The following MYO15A variants were observed in gnomAD, a reference collection of about 807,000 sequenced individuals.
MYO15A encodes the protein myosin XVA, also known as unconventional myosin-XV.
In MYO15A, 308 loss-of-function variants were observed where a neutral mutation model predicts 394.6. The observed-to-expected ratio is 0.78, with a 90% CI of 0.71 to 0.86. The LOEUF (loss-of-function observed/expected upper bound fraction) is 0.86. Among genes scored for constraint, MYO15A ranks in the 40% least tolerant of loss-of-function variants. MYO15A has a pLI of 0.00. For missense variants in MYO15A, 4,606 were observed against 4,799.1 expected (o/e 0.96, Z 1.19); for synonymous variants, 1,957 against 2,003.8 (o/e 0.98, Z 0.62).
At chr17:18,144,631 C>T (rs767101626) in intron 29 of MYO15A, 39 bp downstream of exon 29, 8 of 1,596,862 alleles carry the variant, frequency 5.0e-6, no homozygotes, top group Non-Finnish European at 6.8e-6. Context: ...AATTCTTAGC[C>T]CCTGGCCCTG....
chr17:18,133,325 G>A lies in MYO15A; in HGVS notation c.4421G>A (p.Ser1474Asn), dbSNP rs1248088150. 9 of 1,614,168 alleles carry A rather than the reference G, an allele frequency of 5.6e-6. No individual in the cohort carries two copies. Among genetic ancestry groups the A allele is most frequent in the South Asian group, 5.5e-5 (5 of 91,080 alleles). The change falls in exon 12 of 66, where the codon AGC becomes AAC. Residue 1474 changes from serine to asparagine, a missense_variant. Physicochemically the swap from Ser to Asn is conservative, Grantham distance 46. Transcript: ENST00000647165. The stretch of plus-strand genomic sequence containing the variant: ...GGCTTCAGCAGTGAGGACCAGGACA[G>A]CATCTTCCGCATCCTGGCCTCCATC... Reference protein sequence around the residue: ...VLGFSSEDQDSIFRILASILH... With the variant: ...VLGFSSEDQDNIFRILASILH...
At position 18,147,187 on chromosome 17, in the gene MYO15A, C is replaced by A. The variant is rs2046496923; in HGVS notation, c.6510-842C>A. ...AGACAAGTCACTGTCCCTCTCTGAACCTGTTTCTTCCCTATAATTTGGGGA... is the reference window on the plus strand; with the variant it reads ...AGACAAGTCACTGTCCCTCTCTGAAACTGTTTCTTCCCTATAATTTGGGGA... On this transcript the variant is annotated intron_variant, in intron 30 of 65. Coordinates refer to ENST00000647165, the MANE Select transcript of MYO15A (RefSeq NM_016239.4). The surrounding 1 kb of genome is among the most constrained non-coding windows in gnomAD (Gnocchi z 4.4). Among the ~76,000 whole-genome samples, 1 of 152,316 alleles carries A rather than the reference C, an allele frequency of 6.6e-6. No individual in the cohort carries two copies. Among genetic ancestry groups the A allele is most frequent in the Middle Eastern group, 3.4e-3 (1 of 294 alleles).
chr17:18,167,234 G>A (rs2046867343), intron 61 of MYO15A, among the ~76,000 whole-genome samples: 1 of 152,150 alleles, frequency 6.6e-6, no homozygotes, highest in Non-Finnish European at 1.5e-5. Context: ...AGCCCAGCCT[G>A]GCTGTCTGTT....
intron 10 of MYO15A, 73 bp downstream of exon 10, chr17:18,131,604 C>T: frequency 6.4e-7 from 1 of 1,560,666 alleles, no homozygotes; most frequent in African/African-American, 1.4e-5. Flanking sequence ...AGAGCCTGGC[C>T]CCTGGTAGGG....
chr17:18,133,472 A>T, intron 12 of MYO15A, 86 bp downstream of exon 12: 2 of 1,543,168 alleles, frequency 1.3e-6, no homozygotes. Flanking sequence ...TCCCTTTCAG[A>T]TTACACTATG....
At chr17:18,138,718 T>G in intron 17 of MYO15A, 93 bp from the exon 18 acceptor site, 1 of 1,522,550 alleles carries the variant, frequency 6.6e-7, no homozygotes. Flanking sequence ...TGGTGCTCAG[T>G]TGGGAGCAGT....
At position 18,150,730 on chromosome 17, in the gene MYO15A, C is replaced by A; in HGVS notation, c.7360C>A (p.Gln2454Lys). 6.3e-7 allele frequency: 1 copy of A among 1,589,028 alleles called. No homozygotes were observed. The highest frequency in any genetic ancestry group is 8.6e-7 in the Non-Finnish European group (1 of 1,166,518). Reference protein sequence around the residue: ...PGLDASTLALQQAFIHKQAVL... With the variant: ...PGLDASTLALKQAFIHKQAVL... ...CCTGGATGCCTCCACATTGGCTCTGCAGCAAGCCTTCATCCACAAACAGGC... is the reference window on the plus strand; with the variant it reads ...CCTGGATGCCTCCACATTGGCTCTGAAGCAAGCCTTCATCCACAAACAGGC... The change falls in exon 37 of 66, where the codon CAG becomes AAG. Residue 2454 changes from glutamine to lysine, a missense_variant. Gln to Lys is a moderately conservative substitution (Grantham distance 53). Coordinates refer to ENST00000647165, the MANE Select transcript of MYO15A (RefSeq NM_016239.4). The surrounding 1 kb of genome is among the most constrained non-coding windows in gnomAD (Gnocchi z 4.4).
chr17:18,167,492 G>A (rs2046871127), intron 61 of MYO15A, 98 bp from the exon 62 acceptor site: 2 of 1,573,546 alleles, frequency 1.3e-6, no homozygotes, highest in Admixed American at 3.3e-5. Flanking sequence ...AAGAGGATGG[G>A]GCTGCAATCA....
At chr17:18,127,833 AGATAT>A (rs1306142257) in intron 7 of MYO15A, among the ~76,000 whole-genome samples, 13 of 62,824 alleles carry the variant, frequency 2.1e-4, no homozygotes, top group East Asian at 8.2e-4. Flanking sequence ...AGAAAAAAAA[AGATAT>A]ATATATATAT....
At chr17:18,164,288 C>T (rs1296076397) in intron 60 of MYO15A, 2 of 247,744 alleles carry the variant, frequency 8.1e-6, no homozygotes, top group East Asian at 2.3e-4. Flanking sequence ...TCCTGGGACC[C>T]TAGGTGACCG....
chr17:18,123,198 T>C (rs2045970056), intron 2 of MYO15A: 1 of 152,232 alleles, frequency 6.6e-6, no homozygotes, highest in African/African-American at 2.4e-5. Context: ...CGTCTCAGCC[T>C]CTGCAGACCA....
Position 18,124,478 on chromosome 17 carries a change from C to T in MYO15A, c.3610-5C>T. Reference sequence around the variant, plus strand: ...CTGCAGACACAGCCTCTCTCTCTCACACAGATGCACTCCATCCGCAACCTG... The same window carrying T: ...CTGCAGACACAGCCTCTCTCTCTCATACAGATGCACTCCATCCGCAACCTG... On this transcript the variant is annotated splice_polypyrimidine_tract_variant and splice_region_variant and intron_variant, in intron 2 of 65. Transcript: ENST00000647165. The T allele has an allele frequency of 6.2e-7, 1 of 1,610,942 alleles. No individual in the cohort carries two copies. Among genetic ancestry groups the T allele is most frequent in the South Asian group, 1.1e-5 (1 of 91,068 alleles).
intron 64 of MYO15A, 132 bp from the exon 65 acceptor site, chr17:18,173,649 C>A: frequency 1.6e-6 from 2 of 1,239,048 alleles, no homozygotes; most frequent in African/African-American, 1.5e-5. Context: ...TCACGCAAGT[C>A]ACTGGGGAAC....
chr17:18,136,136 G>A (rs1161954438), intron 13 of MYO15A, among the ~76,000 whole-genome samples: 1 of 152,124 alleles, frequency 6.6e-6, no homozygotes, highest in African/African-American at 2.4e-5. Flanking sequence ...GCCTCCTCTG[G>A]TCTTTCACAG....
Position 18,136,442 on chromosome 17 carries a change from C to G in MYO15A, c.4622C>G (p.Thr1541Arg), listed in dbSNP as rs780976475. The stretch of plus-strand genomic sequence containing the variant: ...GAGACAATGCGAGAGAAGATCTTCA[C>G]GCCCCTAACTGTGGAGAGCGCTGTG... ...VTETMREKIF[T>R]PLTVESAVDA... Residue 1541 changes from threonine (T) to arginine (R), a missense_variant, in exon 14 of 66, where the codon ACG becomes AGG. Around this residue, in one of 2 missense-constraint regions of MYO15A, gnomAD observed 2,776 missense variants for 3,109.3 expected, o/e 0.89. Coordinates refer to ENST00000647165, the MANE Select transcript of MYO15A (RefSeq NM_016239.4). 3.1e-6 allele frequency: 5 copies of G among 1,613,806 alleles called. No individual in the cohort carries two copies. Among genetic ancestry groups the G allele is most frequent in the Non-Finnish European group, 8.5e-7 (1 of 1,180,026 alleles).
At chr17:18,154,213 T>A in intron 44 of MYO15A, 23 bp downstream of exon 44, 1 of 1,613,388 alleles carries the variant, frequency 6.2e-7, no homozygotes, top group Non-Finnish European at 8.5e-7. Context: ...CTCCCCTTTC[T>A]GCCTCAGTGA....
rs77353346 is a variant in MYO15A at position 18,122,525 on chromosome 17, C to T, written c.3609+116C>T. The T allele has an allele frequency of 3.5e-3, 4,999 of 1,437,808 alleles. 172 individuals carry two copies. In the East Asian group the frequency reaches 0.087, roughly 25 times the overall value. The allele number at this position is 1,437,808 out of a possible 1,614,324, so 89.1% of individuals were successfully genotyped here. ...GGAGAGAGGCTGCTTGCTGGGGCCTCAGTCTCTGGGTCTGTAAGTTGGGGA... is the reference window on the plus strand; with the variant it reads ...GGAGAGAGGCTGCTTGCTGGGGCCTTAGTCTCTGGGTCTGTAAGTTGGGGA... On this transcript the variant is annotated intron_variant, in intron 2 of 65. Transcript: ENST00000647165.
intron 3 of MYO15A, chr17:18,124,958 A>G (rs1303848578): frequency 3.2e-6 from 2 of 619,872 alleles, no homozygotes; most frequent in Non-Finnish European, 5.8e-6. Context: ...CCAATGAAGT[A>G]GGTACAATGA....
rs1028774988 is a variant in MYO15A, at chr17:18,150,791, G to T, written c.7395+26G>T. The T allele has an allele frequency of 3.2e-6, 5 of 1,581,434 alleles. No homozygotes were observed. In the African/African-American group the frequency reaches 6.7e-5, roughly 21 times the overall value. ...GTGAGTGAGGGAGGGACTGCTGGGGGGTGGAGAATGGACCTGCCTGGTCAC... is the reference window on the plus strand; with the variant it reads ...GTGAGTGAGGGAGGGACTGCTGGGGTGTGGAGAATGGACCTGCCTGGTCAC... On this transcript the variant is annotated intron_variant, in intron 37 of 65. Coordinates refer to ENST00000647165, the MANE Select transcript of MYO15A (RefSeq NM_016239.4). This position sits in a 1 kb window ranked among gnomAD's most constrained non-coding sequence, Gnocchi z 4.4.
Sources: allele counts gnomAD v4.1 joint callset (sites outside exome capture counted in the v4.1 genomes callset), GRCh38; gene constraint gnomAD v4.1.1; regional missense constraint gnomAD v4.1.1; non-coding constraint Gnocchi (gnomAD v3.1); transcripts MANE v1.5; gene names NCBI Gene and HGNC (gene_info 2026-07-23, HGNC 2026-07-21).